TAFA4: variants seen among roughly 807,000 people sequenced by gnomAD.
The protein encoded by TAFA4 is chemokine-like protein TAFA-4.
A neutral mutation model predicts 21.1 loss-of-function variants in TAFA4; 20 were observed. That is an observed-to-expected ratio of 0.95 (90% CI 0.67 to 1.38). The LOEUF is 1.38. Among genes scored for constraint, TAFA4 ranks in the 40% most tolerant of loss-of-function variants. TAFA4 has a pLI of 0.00. For synonymous variants in TAFA4, 71 were observed against 67.4 expected, an observed-to-expected ratio of 1.05 and a Z score of -0.26; for missense variants, 211 against 180.9, an observed-to-expected ratio of 1.17 and a Z score of -0.95.
intron 3 of TAFA4, among the ~76,000 whole-genome samples, chr3:68,795,823 G>A (rs904372326): frequency 6.6e-6 from 1 of 152,156 alleles, no homozygotes; most frequent in Non-Finnish European, 1.5e-5. Flanking sequence ...AGTCTTTGCT[G>A]TCTGAGTTTG....
At chr3:68,851,548 C>T (rs1049474321) in intron 3 of TAFA4, among the ~76,000 whole-genome samples, 1 of 152,004 alleles carries the variant, frequency 6.6e-6, no homozygotes, top group Admixed American at 6.6e-5. Context: ...ACCGTAGAAA[C>T]TGGGTGAAAA....
At chr3:68,811,622 G>GA (rs1703841763) in intron 3 of TAFA4, among the ~76,000 whole-genome samples, 1 of 152,000 alleles carries the variant, frequency 6.6e-6, no homozygotes, top group South Asian at 2.1e-4. Context: ...GAAGTTTAGA[G>GA]AAAAAAGAAT....
chr3:68,914,332 G>A (rs1575670956), intron 1 of TAFA4, among the ~76,000 whole-genome samples: 1 of 152,160 alleles, frequency 6.6e-6, no homozygotes, highest in East Asian at 1.9e-4. Context: ...GTATGACTAG[G>A]AGGGTTACAA....
chr3:68,747,530 G>A (rs990566237), intron 4 of TAFA4, among the ~76,000 whole-genome samples: 13 of 152,118 alleles, frequency 8.5e-5, no homozygotes, highest in African/African-American at 3.1e-4. Context: ...ACACCACGAT[G>A]GTGAGGCCTC....
chr3:68,813,510 A>G (rs191491641), intron 3 of TAFA4, among the ~76,000 whole-genome samples: 3 of 152,338 alleles, frequency 2.0e-5, no homozygotes, highest in Admixed American at 2.0e-4. Flanking sequence ...CAGAAATACA[A>G]ACTACCATCA....
chr3:68,789,809 A>G (rs1703329928), intron 3 of TAFA4, among the ~76,000 whole-genome samples: 1 of 152,220 alleles, frequency 6.6e-6, no homozygotes, highest in Non-Finnish European at 1.5e-5. Context: ...CAGAAAACAA[A>G]AGAAATGCAC....
chr3:68,783,164 A>T (rs1253533941), intron 3 of TAFA4, among the ~76,000 whole-genome samples: 1 of 152,240 alleles, frequency 6.6e-6, no homozygotes, highest in Admixed American at 6.5e-5. Context: ...GAAAACCTAT[A>T]GCAAACATAC....
At chr3:68,856,412 T>A (rs1705070522) in intron 3 of TAFA4, among the ~76,000 whole-genome samples, 1 of 152,168 alleles carries the variant, frequency 6.6e-6, no homozygotes, top group South Asian at 2.1e-4. Flanking sequence ...GGCACCACAG[T>A]TGCTTATACA....
intron 3 of TAFA4, among the ~76,000 whole-genome samples, chr3:68,845,130 T>G (rs774888735): frequency 3.3e-5 from 5 of 152,188 alleles, no homozygotes; most frequent in African/African-American, 4.8e-5. Context: ...CTCCCGCTGT[T>G]ATTGTGTGGG....
chr3:68,888,666 G>A (rs909961979), intron 1 of TAFA4, among the ~76,000 whole-genome samples: 1 of 151,950 alleles, frequency 6.6e-6, no homozygotes, highest in Admixed American at 6.6e-5. Flanking sequence ...TAATATCAAG[G>A]TGCCAGCATC....
chr3:68,905,396 C>G (rs1290205868), intron 1 of TAFA4, among the ~76,000 whole-genome samples: 1 of 152,082 alleles, frequency 6.6e-6, no homozygotes, highest in Non-Finnish European at 1.5e-5. Flanking sequence ...TATCGATCTC[C>G]TGACCTCATG....
chr3:68,904,755 T>G (rs1478082688), intron 1 of TAFA4, among the ~76,000 whole-genome samples: 1 of 152,192 alleles, frequency 6.6e-6, no homozygotes, highest in Non-Finnish European at 1.5e-5. Flanking sequence ...TGAGGCCATT[T>G]ATTTATCAAC....
chr3:68,858,562 T>C (rs558510957), intron 3 of TAFA4, among the ~76,000 whole-genome samples: 3 of 148,154 alleles, frequency 2.0e-5, no homozygotes, highest in African/African-American at 7.5e-5. Flanking sequence ...ATGTACTAGG[T>C]ACTATTCCAA....
chr3:68,750,919 G>A (rs1702547330), intron 4 of TAFA4, among the ~76,000 whole-genome samples: 1 of 152,130 alleles, frequency 6.6e-6, no homozygotes, highest in Non-Finnish European at 1.5e-5. Flanking sequence ...GAAAGTAAGA[G>A]ACCACATCCC....
chr3:68,814,380 C>T (rs538658016), intron 3 of TAFA4, among the ~76,000 whole-genome samples: 1 of 152,040 alleles, frequency 6.6e-6, no homozygotes, highest in Non-Finnish European at 1.5e-5. Flanking sequence ...TCAAATTGTC[C>T]CTGTTTGCAG....
At chr3:68,756,241 C>A (rs1702657587) in intron 3 of TAFA4, among the ~76,000 whole-genome samples, 1 of 152,170 alleles carries the variant, frequency 6.6e-6, no homozygotes, top group Non-Finnish European at 1.5e-5. Flanking sequence ...GGAGACTTAC[C>A]TTTGCTCTGA....
intron 3 of TAFA4, among the ~76,000 whole-genome samples, chr3:68,833,505 A>G (rs893795105): frequency 6.6e-6 from 1 of 152,200 alleles, no homozygotes; most frequent in African/African-American, 2.4e-5. Flanking sequence ...TAAAAGGACC[A>G]ATATAAAGAT....
intron 3 of TAFA4, among the ~76,000 whole-genome samples, chr3:68,814,404 A>G (rs1016861007): frequency 3.3e-5 from 5 of 152,164 alleles, no homozygotes; most frequent in East Asian, 1.9e-4. Flanking sequence ...ACATGATTGT[A>G]TATCTAGAAA....
At position 68,880,723 on chromosome 3, in the gene TAFA4, G is replaced by A. The variant is rs1359243627; in HGVS notation, c.130+7C>T. The A allele has an allele frequency of 1.9e-6, 3 of 1,612,914 alleles. No individual in the cohort carries two copies. The highest frequency in any genetic ancestry group is 2.2e-5 in the South Asian group (2 of 91,054). On this transcript the variant is annotated splice_region_variant and intron_variant, in intron 3 of 5. Coordinates refer to ENST00000295569, the MANE Select transcript of TAFA4 (RefSeq NM_182522.5). ...TCAGCAGTGCATAATGAGCTTAAAGGGCTTACCTGCATGTCCCCGGAGGTG... is the reference window on the plus strand; with the variant it reads ...TCAGCAGTGCATAATGAGCTTAAAGAGCTTACCTGCATGTCCCCGGAGGTG...
Sources: allele counts gnomAD v4.1 joint callset (sites outside exome capture counted in the v4.1 genomes callset), GRCh38; gene constraint gnomAD v4.1.1; transcripts MANE v1.5; gene names NCBI Gene and HGNC (gene_info 2026-07-23, HGNC 2026-07-21).